UVRAG: variants seen among roughly 807,000 people sequenced by gnomAD.
UVRAG encodes UV radiation resistance associated.
A neutral mutation model predicts 78.0 loss-of-function variants in UVRAG; 19 were observed. That is an observed-to-expected ratio of 0.24 (90% confidence interval 0.17 to 0.36). The LOEUF (loss-of-function observed/expected upper bound fraction) is 0.36. UVRAG is among the 10% of genes least tolerant of loss of function. The pLI is 1.00. For missense variants in UVRAG, 740 were observed against 853.8 expected (o/e 0.87, Z 1.66); for synonymous variants, 323 against 324.6 (o/e 1.00, Z 0.05).
At chr11:75,833,587 CAT>C (rs370596553) in intron 1 of UVRAG, among the ~76,000 whole-genome samples, 31,211 of 151,860 alleles carry the variant, frequency 0.21, 5,181 homozygotes, top group African/African-American at 0.46. Context: ...AAGACACACA[CAT>C]AGAGAAATAT....
intron 5 of UVRAG, among the ~76,000 whole-genome samples, chr11:75,907,127 A>G (rs942730638): frequency 6.6e-6 from 1 of 152,216 alleles, no homozygotes; most frequent in African/African-American, 2.4e-5. Context: ...TATGTTGATA[A>G]TATTAAGTCT....
intron 12 of UVRAG, among the ~76,000 whole-genome samples, chr11:76,063,164 G>C (rs994626700): frequency 2.0e-5 from 3 of 152,182 alleles, no homozygotes; most frequent in Non-Finnish European, 4.4e-5. Flanking sequence ...GTAGAGACTT[G>C]ACAGAGAGGC....
intron 6 of UVRAG, among the ~76,000 whole-genome samples, chr11:75,918,247 C>G (rs1947902467): frequency 1.3e-5 from 2 of 150,012 alleles, no homozygotes. Flanking sequence ...GGCATGGTAG[C>G]GGGCGCCTGT....
At chr11:76,136,614 C>T (rs754151313) in intron 14 of UVRAG, among the ~76,000 whole-genome samples, 19 of 150,986 alleles carry the variant, frequency 1.3e-4, no homozygotes, top group Non-Finnish European at 2.5e-4. Context: ...ATCCTCCCAC[C>T]TCAGCCCACA....
chr11:76,057,715 G>GT (rs202051860), intron 12 of UVRAG, among the ~76,000 whole-genome samples: 70 of 147,102 alleles, frequency 4.8e-4, no homozygotes, highest in African/African-American at 8.2e-4. Flanking sequence ...AATGCAAGAT[G>GT]TTTTTTTTTT....
chr11:75,853,137 T>TATG (rs1311180895), intron 2 of UVRAG, among the ~76,000 whole-genome samples: 2 of 152,130 alleles, frequency 1.3e-5, no homozygotes, highest in African/African-American at 4.8e-5. Context: ...GGTCTCCAAC[T>TATG]CCTGGACTCA....
chr11:76,036,249 G>T (rs1324001035), intron 12 of UVRAG, among the ~76,000 whole-genome samples: 1 of 152,108 alleles, frequency 6.6e-6, no homozygotes, highest in Non-Finnish European at 1.5e-5. Flanking sequence ...TGAAATGAAA[G>T]GTTAAAACGT....
At chr11:76,017,641 T>C (rs1008053856) in intron 12 of UVRAG, among the ~76,000 whole-genome samples, 2 of 151,942 alleles carry the variant, frequency 1.3e-5, no homozygotes, top group African/African-American at 4.8e-5. Context: ...TAAAAGCAAC[T>C]AGAGAGAAAG....
At chr11:75,826,025 T>C (rs1199521772) in intron 1 of UVRAG, among the ~76,000 whole-genome samples, 1 of 151,856 alleles carries the variant, frequency 6.6e-6, no homozygotes, top group African/African-American at 2.4e-5. Context: ...TTAGTAGAGA[T>C]GGGGTTTCAT....
At chr11:75,930,374 A>G (rs774830433) in intron 6 of UVRAG, among the ~76,000 whole-genome samples, 21 of 152,210 alleles carry the variant, frequency 1.4e-4, no homozygotes, top group Non-Finnish European at 1.8e-4. Flanking sequence ...TCAAAGGGCC[A>G]TGTAATTCTA....
chr11:75,821,531 G>A (rs1287063919), intron 1 of UVRAG, among the ~76,000 whole-genome samples: 3 of 152,120 alleles, frequency 2.0e-5, no homozygotes, highest in Admixed American at 2.0e-4. Context: ...ATTTTTCGTA[G>A]AAATGAGTCT....
intron 3 of UVRAG, among the ~76,000 whole-genome samples, chr11:75,872,742 A>G (rs1199314357): frequency 6.6e-6 from 1 of 152,210 alleles, no homozygotes; most frequent in African/African-American, 2.4e-5. Flanking sequence ...CCTGTTCCAG[A>G]TATAACCAAC....
intron 12 of UVRAG, among the ~76,000 whole-genome samples, chr11:76,020,449 G>A (rs1950224371): frequency 6.6e-6 from 1 of 152,062 alleles, no homozygotes; most frequent in South Asian, 2.1e-4. Flanking sequence ...CACAGGTGAT[G>A]AATCCTGCCA....
At chr11:76,127,047 A>G (rs1004491689) in intron 14 of UVRAG, among the ~76,000 whole-genome samples, 2 of 152,198 alleles carry the variant, frequency 1.3e-5, no homozygotes, top group Non-Finnish European at 2.9e-5. Flanking sequence ...ACTGTAATAT[A>G]CAAAGTGTGT....
intron 12 of UVRAG, among the ~76,000 whole-genome samples, chr11:76,020,937 G>T (rs1327955638): frequency 6.6e-6 from 1 of 152,106 alleles, no homozygotes; most frequent in African/African-American, 2.4e-5. Flanking sequence ...TGATCTAAAT[G>T]CTGCCTCCAT....
intron 14 of UVRAG, among the ~76,000 whole-genome samples, chr11:76,135,657 A>G (rs1188865351): frequency 6.6e-6 from 1 of 152,200 alleles, no homozygotes; most frequent in East Asian, 1.9e-4. Context: ...ATTAAACCAC[A>G]GATGTCATGT....
intron 6 of UVRAG, among the ~76,000 whole-genome samples, chr11:75,913,828 A>G (rs909541494): frequency 2.6e-5 from 4 of 152,234 alleles, no homozygotes; most frequent in Non-Finnish European, 5.9e-5. Flanking sequence ...AATGCCCTAC[A>G]TAAATGCAAA....
chr11:75,815,307 G>A lies in UVRAG; in HGVS notation c.-101G>A. ...GCTGAGCAGTAGTGCCTCTCGGGTG[G>A]CGGGTTTCTAGGCTGCAGGGGCTTG... On this transcript the variant is annotated 5_prime_UTR_variant, in exon 1 of 15. Transcript: ENST00000356136. 1.3e-5 allele frequency: 8 copies of A among 598,586 alleles called. No homozygotes were observed. Among genetic ancestry groups the A allele is most frequent in the Non-Finnish European group, 2.0e-5 (8 of 401,804 alleles). 37.1% of individuals were successfully genotyped at this position (598,586 alleles called of 1,614,324 possible). A position where few individuals can be genotyped will look rare whatever the true frequency, so the allele number is the denominator to read the frequency against.
intron 4 of UVRAG, among the ~76,000 whole-genome samples, chr11:75,885,796 A>G (rs1257732770): frequency 6.6e-6 from 1 of 152,164 alleles, no homozygotes; most frequent in African/African-American, 2.4e-5. Flanking sequence ...TGATACAGCC[A>G]GTTTTGTTAA....
Sources: allele counts gnomAD v4.1 joint callset (sites outside exome capture counted in the v4.1 genomes callset), GRCh38; gene constraint gnomAD v4.1.1; transcripts MANE v1.5; gene names NCBI Gene and HGNC (gene_info 2026-07-23, HGNC 2026-07-21).